The following KRT8 variants were observed in gnomAD, a reference collection of about 807,000 sequenced individuals.
KRT8 encodes keratin, type II cytoskeletal 8.
In KRT8, 24 loss-of-function variants were observed where a neutral mutation model predicts 43.0. The ratio of observed to expected loss-of-function variants is 0.56; its 90% CI spans 0.40 to 0.78. The LOEUF is 0.78. Among genes scored for constraint, KRT8 ranks in the 30% least tolerant of loss-of-function variants. The pLI, the probability that KRT8 is intolerant of heterozygous loss-of-function variation, is 0.00. For synonymous variants in KRT8, 214 were observed against 261.2 expected, an observed-to-expected ratio of 0.82 and a Z score of 1.74; for missense variants, 492 against 638.4, an observed-to-expected ratio of 0.77 and a Z score of 2.47.
At chr12:52,945,455 T>C (rs937253392) in intron 2 of KRT8, among the ~76,000 whole-genome samples, 4 of 152,102 alleles carry the variant, frequency 2.6e-5, no homozygotes, top group African/African-American at 9.7e-5. Context: ...AACACCTCCC[T>C]CCTCCAGGCT....
At chr12:52,924,060 TG>T (rs1941942314) in intron 2 of KRT8, among the ~76,000 whole-genome samples, 1 of 152,060 alleles carries the variant, frequency 6.6e-6, no homozygotes, top group Admixed American at 6.6e-5. Flanking sequence ...TTGGCCAGGC[TG>T]GCCTCAAACT....
At chr12:52,911,484 G>T (rs559221549), upstream of KRT8, among the ~76,000 whole-genome samples, 1 of 152,274 alleles carries the variant, frequency 6.6e-6, no homozygotes, top group Admixed American at 6.5e-5. Context: ...CTGTACATCA[G>T]GGGGAGACAG....
chr12:52,943,164 C>T (rs1279046862), intron 2 of KRT8, among the ~76,000 whole-genome samples: 1 of 152,160 alleles, frequency 6.6e-6, no homozygotes. Context: ...ATCAGTTCTG[C>T]GACCTAACAA....
upstream of KRT8, among the ~76,000 whole-genome samples, chr12:52,909,921 T>C (rs999571753): frequency 1.1e-4 from 16 of 152,144 alleles, no homozygotes; most frequent in African/African-American, 3.9e-4. Context: ...AGCCTGAAGA[T>C]GTTGAGGTCT....
intron 2 of KRT8, among the ~76,000 whole-genome samples, chr12:52,943,618 G>T (rs1942300458): frequency 6.6e-6 from 1 of 152,206 alleles, no homozygotes; most frequent in Non-Finnish European, 1.5e-5. Flanking sequence ...TGGGCCCGTT[G>T]CACGTGGCCG....
At chr12:52,902,300 CA>C in intron 1 of KRT8, 1 of 571,960 alleles carries the variant, frequency 1.7e-6, no homozygotes. Context: ...GGGAAGGAGA[CA>C]GGTAAGGTAA....
At chr12:52,901,353 T>A in intron 2 of KRT8, 134 bp from the exon 3 acceptor site, 1 of 739,088 alleles carries the variant, frequency 1.4e-6, no homozygotes, top group Non-Finnish European at 2.5e-6. Context: ...AGGCTGGTCC[T>A]TCTGCCTTCC....
At chr12:52,926,570 C>T in intron 2 of KRT8, 1 of 971,550 alleles carries the variant, frequency 1.0e-6, no homozygotes. Flanking sequence ...CTTTGTTACA[C>T]CCCTGGGCTG....
intron 5 of KRT8, 148 bp from the exon 6 acceptor site, chr12:52,899,047 G>A: frequency 1.4e-6 from 1 of 724,964 alleles, no homozygotes; most frequent in South Asian, 1.6e-5. Context: ...GGGCACAGTG[G>A]CTCATGCCTG....
chr12:52,905,822 G>A (rs188608949), upstream of KRT8, among the ~76,000 whole-genome samples: 15 of 152,014 alleles, frequency 9.9e-5, no homozygotes, highest in African/African-American at 3.6e-4. Context: ...GGCCAGGCAC[G>A]GTGGCTCACG....
At chr12:52,905,025 A>T in exon 1 of KRT8, 2 of 1,578,072 alleles carry the variant, frequency 1.3e-6, no homozygotes, top group South Asian at 1.1e-5. Flanking sequence ...CCAGGCGGAG[A>T]TCCTAGAAGG....
In KRT8 at chr12:52,902,090, G is replaced by C. The variant is rs772851106; in HGVS notation, c.325-18C>G. 2 of 1,536,312 alleles carry C rather than the reference G, an allele frequency of 1.3e-6. No individual in the cohort carries two copies. The highest frequency in any genetic ancestry group is 1.4e-5 in the African/African-American group (1 of 73,554). On this transcript the variant is annotated intron_variant, in intron 1 of 7. Coordinates refer to ENST00000692008, the Ensembl canonical transcript of KRT8. ...AACCGTACCTATACGAAGGAGGAGA[G>C]AGCAAAAAGGTCTACATCAGGCCAG... is the stretch of plus-strand genomic sequence containing the variant.
At chr12:52,904,858 C>A (rs1349921419) in exon 1 of KRT8, 2 of 1,612,670 alleles carry the variant, frequency 1.2e-6, no homozygotes, top group East Asian at 4.5e-5. Flanking sequence ...TTGCTGCTGC[C>A]CACTCGGGAG....
chr12:52,935,400 A>AAGAAAAAG (rs1565731950), intron 2 of KRT8, among the ~76,000 whole-genome samples: 2 of 134,568 alleles, frequency 1.5e-5, no homozygotes, highest in Non-Finnish European at 1.6e-5. Flanking sequence ...AAAAAAAAAA[A>AAGAAAAAG]AAAAAAAAAA....
At chr12:52,904,436 A>C (rs960602544) in intron 1 of KRT8, among the ~76,000 whole-genome samples, 2 of 152,178 alleles carry the variant, frequency 1.3e-5, no homozygotes, top group African/African-American at 2.4e-5. Context: ...GGAAGAAGGA[A>C]GCCCCAGGAT....
intron 2 of KRT8, among the ~76,000 whole-genome samples, chr12:52,946,242 C>G (rs1481988425): frequency 1.3e-5 from 2 of 152,136 alleles, no homozygotes; most frequent in Non-Finnish European, 2.9e-5. Context: ...GTTTTGATTG[C>G]TGGTAGATTT....
intron 2 of KRT8, 47 bp downstream of exon 2, chr12:52,901,814 TGGA>T: frequency 7.8e-7 from 1 of 1,287,060 alleles, no homozygotes; most frequent in Non-Finnish European, 1.1e-6. Flanking sequence ...TCCCAAGGGG[TGGA>T]GGAGAGCACG....
chr12:52,927,305 C>A (rs1211684947), intron 2 of KRT8, among the ~76,000 whole-genome samples: 1 of 152,168 alleles, frequency 6.6e-6, no homozygotes, highest in East Asian at 1.9e-4. Context: ...AAGGGAGCAG[C>A]AGGACAAGCC....
At chr12:52,926,054 C>G (rs1009555097) in intron 2 of KRT8, among the ~76,000 whole-genome samples, 1 of 152,056 alleles carries the variant, frequency 6.6e-6, no homozygotes, top group Admixed American at 6.5e-5. Flanking sequence ...GTGCGAGAGG[C>G]CCCCTCTGCA....
Sources: gnomAD v4.1 joint callset for allele counts (sites outside exome capture counted in the v4.1 genomes callset) on GRCh38, gnomAD v4.1.1 for gene constraint, MANE v1.5 for transcripts, NCBI Gene and HGNC (gene_info 2026-07-23, HGNC 2026-07-21) for gene names.